Variants in DPYD observed in about 807,000 individuals in gnomAD.
DPYD encodes the protein dihydropyrimidine dehydrogenase, also known as dihydropyrimidine dehydrogenase [NADP(+)].
A neutral mutation model predicts 116.2 loss-of-function variants in DPYD; 109 were observed. That is an observed-to-expected ratio of 0.94 (90% CI 0.80 to 1.10). The LOEUF (loss-of-function observed/expected upper bound fraction) is 1.10. DPYD is among the 50% of genes least tolerant of loss of function. The pLI, the probability that DPYD is intolerant of heterozygous loss-of-function variation, is 0.00. For missense variants in DPYD, 1,302 were observed against 1,254.5 expected, an observed-to-expected ratio of 1.04 and a Z score of -0.57; for synonymous variants, 440 against 432.0, an observed-to-expected ratio of 1.02 and a Z score of -0.23.
At chr1:97,485,194 C>A (rs777678845) in intron 13 of DPYD, among the ~76,000 whole-genome samples, 3 of 151,776 alleles carry the variant, frequency 2.0e-5, no homozygotes, top group Non-Finnish European at 2.9e-5. Flanking sequence ...CTCTGACATA[C>A]TCTCGTTTGT....
At chr1:97,382,702 T>G (rs1246697804) in intron 14 of DPYD, among the ~76,000 whole-genome samples, 1 of 152,184 alleles carries the variant, frequency 6.6e-6, no homozygotes, top group Non-Finnish European at 1.5e-5. Context: ...CTTGGGCAAG[T>G]TACTTAACTT....
rs75388378 is a variant in DPYD, at chr1:97,339,531, T to A, written c.2059-33234A>T. On this transcript the variant is annotated intron_variant, in intron 16 of 22. Transcript: ENST00000370192. ...TTATACCAGCCAATCAATATAATAA[T>A]CAAATGTTAAGAAAAAAGGCACAAT... Among the ~76,000 whole-genome samples the A allele has an allele frequency of 5.4e-3, 822 of 152,230 alleles. 25 individuals carry two copies. Among genetic ancestry groups the A allele is most frequent in the Admixed American group, 0.049 (744 of 15,284 alleles).
chr1:97,868,468 A>G (rs1174397686), intron 2 of DPYD, among the ~76,000 whole-genome samples: 1 of 151,864 alleles, frequency 6.6e-6, no homozygotes, highest in Non-Finnish European at 1.5e-5. Flanking sequence ...ACCAATTACC[A>G]GTCATTACCA....
intron 8 of DPYD, among the ~76,000 whole-genome samples, chr1:97,624,391 C>T (rs890374531): frequency 6.6e-6 from 1 of 151,936 alleles, no homozygotes; most frequent in African/African-American, 2.4e-5. Context: ...TCACTAATCA[C>T]TAGGGAAATA....
chr1:97,715,971 A>T (rs905869202), intron 5 of DPYD, among the ~76,000 whole-genome samples: 4 of 152,128 alleles, frequency 2.6e-5, no homozygotes, highest in Admixed American at 1.3e-4. Flanking sequence ...AGGTGAAGAT[A>T]TGGTAGAAGT....
At chr1:97,379,530 C>T (rs1055188925) in intron 15 of DPYD, among the ~76,000 whole-genome samples, 6 of 152,172 alleles carry the variant, frequency 3.9e-5, no homozygotes, top group South Asian at 2.1e-4. Flanking sequence ...AGTAACTGTC[C>T]GCTCTCACAG....
At chr1:97,291,788 G>C (rs941041990) in intron 18 of DPYD, among the ~76,000 whole-genome samples, 5 of 151,950 alleles carry the variant, frequency 3.3e-5, no homozygotes, top group African/African-American at 1.2e-4. Flanking sequence ...GTATACATAT[G>C]TAGCTAAACT....
intron 2 of DPYD, among the ~76,000 whole-genome samples, chr1:97,859,564 G>A (rs1245143963): frequency 6.6e-6 from 1 of 152,010 alleles, no homozygotes; most frequent in Non-Finnish European, 1.5e-5. Context: ...CACCACCACT[G>A]GACCACCCTA....
At chr1:97,656,272 C>T (rs934131636) in intron 8 of DPYD, among the ~76,000 whole-genome samples, 6 of 152,118 alleles carry the variant, frequency 3.9e-5, no homozygotes, top group African/African-American at 9.7e-5. Context: ...CTTCTTTTCA[C>T]GGAAGATCTT....
chr1:97,102,495 CTCCTT>C, intron 20 of DPYD, among the ~76,000 whole-genome samples: 1 of 51,326 alleles, frequency 1.9e-5, no homozygotes, highest in African/African-American at 7.8e-5. Context: ...ATCTATCTAT[CTCCTT>C]TATACCTATT....
intron 13 of DPYD, among the ~76,000 whole-genome samples, chr1:97,488,561 A>G (rs1024300776): frequency 3.3e-5 from 5 of 152,186 alleles, no homozygotes. Flanking sequence ...TACAAGTGCT[A>G]AGTCAGAAGA....
chr1:97,918,768 CT>C (rs1435585332), intron 1 of DPYD, among the ~76,000 whole-genome samples: 1 of 152,176 alleles, frequency 6.6e-6, no homozygotes, highest in Non-Finnish European at 1.5e-5. Flanking sequence ...ACCTTCTGTT[CT>C]TTTAACAATT....
Position 97,391,456 on chromosome 1 carries a change from T to C in DPYD, c.1906-8995A>G, listed in dbSNP as rs180684799. Among the ~76,000 whole-genome samples the C allele has an allele frequency of 5.9e-5, 9 of 152,056 alleles. 1 individual carries two copies. Among genetic ancestry groups the C allele is most frequent in the Admixed American group, 3.9e-4 (6 of 15,226 alleles). On this transcript the variant is annotated intron_variant, in intron 14 of 22. Transcript: ENST00000370192. Reference sequence around the variant, plus strand: ...GATTAACCAAGTACTTGGCTGAGCATTGAAATTACCTAGAGAGTTAAAAAA... The same window carrying C: ...GATTAACCAAGTACTTGGCTGAGCACTGAAATTACCTAGAGAGTTAAAAAA...
At chr1:97,427,948 C>G (rs993137545) in intron 14 of DPYD, among the ~76,000 whole-genome samples, 2 of 152,014 alleles carry the variant, frequency 1.3e-5, no homozygotes, top group African/African-American at 4.8e-5. Flanking sequence ...CATGAGATCC[C>G]ACTGGTTTCT....
chr1:97,840,997 A>C (rs1670009891), intron 2 of DPYD, among the ~76,000 whole-genome samples: 1 of 152,136 alleles, frequency 6.6e-6, no homozygotes, highest in Non-Finnish European at 1.5e-5. Flanking sequence ...GCTGTATCAG[A>C]GGTTAAAAAC....
intron 2 of DPYD, among the ~76,000 whole-genome samples, chr1:97,865,203 T>C (rs1671316904): frequency 6.6e-6 from 1 of 151,746 alleles, no homozygotes; most frequent in Non-Finnish European, 1.5e-5. Context: ...ATTATTTGGA[T>C]TTTATAGGAA....
chr1:97,397,829 G>A (rs1436105927), intron 14 of DPYD, among the ~76,000 whole-genome samples: 1 of 152,024 alleles, frequency 6.6e-6, no homozygotes, highest in Non-Finnish European at 1.5e-5. Context: ...ACATCCATGT[G>A]CAGGTTTTTG....
chr1:97,301,643 C>T (rs1215595382), intron 18 of DPYD, among the ~76,000 whole-genome samples: 1 of 151,788 alleles, frequency 6.6e-6, no homozygotes, highest in Non-Finnish European at 1.5e-5. Flanking sequence ...ATGAATTCAC[C>T]CCATTGAAAA....
intron 12 of DPYD, among the ~76,000 whole-genome samples, chr1:97,535,035 T>C (rs1353919420): frequency 6.6e-6 from 1 of 152,090 alleles, no homozygotes; most frequent in Non-Finnish European, 1.5e-5. Flanking sequence ...CAAAGTTCTG[T>C]CTCAGAGACA....
Sources: allele counts gnomAD v4.1 joint callset (sites outside exome capture counted in the v4.1 genomes callset), GRCh38; gene constraint gnomAD v4.1.1; transcripts MANE v1.5; gene names NCBI Gene and HGNC (gene_info 2026-07-23, HGNC 2026-07-21).